MRPL37: variants seen among roughly 807,000 people sequenced by gnomAD.
The protein encoded by MRPL37 is large ribosomal subunit protein mL37.
In MRPL37, 34 loss-of-function variants were observed where a neutral mutation model predicts 44.1. The ratio of observed to expected loss-of-function variants is 0.77; its 90% CI spans 0.59 to 1.03. MRPL37 has a LOEUF of 1.03. MRPL37 is among the 50% of genes least tolerant of loss of function. MRPL37 has a pLI of 0.00. For synonymous variants in MRPL37, 212 were observed against 219.5 expected (o/e 0.97, Z 0.30); for missense variants, 532 against 543.7 (o/e 0.98, Z 0.21).
Position 54,218,161 on chromosome 1 carries a change from G to A in MRPL37, c.1195-11G>A. 1 of 1,611,468 alleles carries A rather than the reference G, an allele frequency of 6.2e-7. No homozygotes were observed. Among genetic ancestry groups the A allele is most frequent in the Non-Finnish European group, 8.5e-7 (1 of 1,177,622 alleles). On this transcript the variant is annotated splice_polypyrimidine_tract_variant and intron_variant, in intron 6 of 6. Transcript: ENST00000360840. Reference sequence around the variant, plus strand: ...TAGTAGCAGGATCCTAATGAACCGTGTTCTTTCCAGGAACCTGTTGGCCCA... The same window carrying A: ...TAGTAGCAGGATCCTAATGAACCGTATTCTTTCCAGGAACCTGTTGGCCCA...
intron 5 of MRPL37, among the ~76,000 whole-genome samples, chr1:54,215,558 A>G (rs1039244317): frequency 1.3e-5 from 2 of 152,126 alleles, no homozygotes; most frequent in Admixed American, 6.5e-5. Flanking sequence ...AAGCCCAGTG[A>G]ATGTGACTGC....
chr1:54,216,443 C>A, intron 6 of MRPL37, 99 bp downstream of exon 6: 1 of 1,391,308 alleles, frequency 7.2e-7, no homozygotes, highest in Non-Finnish European at 9.9e-7. Context: ...GTGAGGAGAG[C>A]CCTGGCCCTG....
At chr1:54,217,695 C>A (rs962803937) in intron 6 of MRPL37, among the ~76,000 whole-genome samples, 3 of 152,150 alleles carry the variant, frequency 2.0e-5, no homozygotes, top group African/African-American at 4.8e-5. Flanking sequence ...CTTCTTTTTC[C>A]TACTTCTGCA....
chr1:54,224,428 C>A (rs746595036), downstream of MRPL37, among the ~76,000 whole-genome samples: 27 of 152,228 alleles, frequency 1.8e-4, no homozygotes, highest in Non-Finnish European at 3.4e-4. Flanking sequence ...GTTCTAAGCA[C>A]TTCACGGTGC....
downstream of MRPL37, chr1:54,225,368 C>T (rs1031821496): frequency 5.3e-5 from 66 of 1,234,108 alleles, no homozygotes; most frequent in Middle Eastern, 4.1e-4. Flanking sequence ...CAAGAAGTCA[C>T]CTTGCATTTT....
At chr1:54,204,549 T>G (rs144352448) in intron 1 of MRPL37, among the ~76,000 whole-genome samples, 109 of 152,340 alleles carry the variant, frequency 7.2e-4, no homozygotes, top group African/African-American at 2.6e-3. Flanking sequence ...GAAGGCAGCA[T>G]GGGCTTATGC....
chr1:54,207,141 TC>T (rs1644129740), intron 3 of MRPL37, among the ~76,000 whole-genome samples: 1 of 152,212 alleles, frequency 6.6e-6, no homozygotes. Flanking sequence ...GGGTATCTTT[TC>T]CTCCTCTGTG....
At position 54,200,446 on chromosome 1, in the gene MRPL37, C is replaced by G. The variant is rs747283178; in HGVS notation, c.203C>G (p.Pro68Arg). Residue 68 changes from proline to arginine, a missense_variant, in exon 1 of 7, where the codon CCC becomes CGC. By Grantham distance (103) the Pro-to-Arg change is moderately radical. Transcript: ENST00000360840. ...ITFAGKMHFV[P>R]WLARPIFPPW... ...TTTGCGGGGAAGATGCACTTCGTGC[C>G]CTGGCTGGCGCGGCCGATCTTTCCG... is the stretch of plus-strand genomic sequence containing the variant. 90 of 1,614,126 alleles carry G rather than the reference C, an allele frequency of 5.6e-5. No individual in the cohort carries two copies. The highest frequency in any genetic ancestry group is 7.5e-5 in the Non-Finnish European group (88 of 1,180,056).
rs1317445147 is a variant in MRPL37 at position 54,218,244 on chromosome 1, G to A, written c.1267G>A (p.Ala423Thr). The change falls in exon 7 of 7, where the codon GCG becomes ACG. Residue 423 changes from alanine (A) to threonine (T), a missense_variant. Coordinates refer to ENST00000360840, the MANE Select transcript of MRPL37 (RefSeq NM_016491.4). The stretch of plus-strand genomic sequence containing the variant: ...TTTAGCTCTATATTTGCATGGTGCT[G>A]CGTGAGCGGAGGACCCCTCTGAATC... ...KFLALYLHGA[A>T] The A allele has an allele frequency of 3.1e-6, 5 of 1,614,182 alleles. No homozygotes were observed. The highest frequency in any genetic ancestry group is 2.2e-5 in the East Asian group (1 of 44,880).
chr1:54,202,375 T>C (rs1038937054), intron 1 of MRPL37, among the ~76,000 whole-genome samples: 1 of 152,116 alleles, frequency 6.6e-6, no homozygotes, highest in Non-Finnish European at 1.5e-5. Context: ...TGAAAAGTCT[T>C]ATTGTACTTA....
chr1:54,224,072 TC>T (rs1644256603), downstream of MRPL37, among the ~76,000 whole-genome samples: 1 of 152,190 alleles, frequency 6.6e-6, no homozygotes, highest in African/African-American at 2.4e-5. Flanking sequence ...GGCACCCTGA[TC>T]CCATGGCTCT....
intron 3 of MRPL37, among the ~76,000 whole-genome samples, chr1:54,208,548 C>A (rs866216004): frequency 1.4e-3 from 102 of 70,918 alleles, no homozygotes; most frequent in South Asian, 3.5e-3. Context: ...GACTCCGTCT[C>A]AAAAAAAAAA....
intron 3 of MRPL37, among the ~76,000 whole-genome samples, chr1:54,207,750 G>A (rs1644134373): frequency 1.3e-5 from 2 of 152,268 alleles, no homozygotes; most frequent in African/African-American, 2.4e-5. Flanking sequence ...AAATACTTTA[G>A]AAAACTATTC....
At chr1:54,205,605 T>C (rs1030771787) in intron 3 of MRPL37, among the ~76,000 whole-genome samples, 195 bp downstream of exon 3, 1 of 152,204 alleles carries the variant, frequency 6.6e-6, no homozygotes, top group Non-Finnish European at 1.5e-5. Context: ...TTAATCACTT[T>C]CTAAGACGTT....
chr1:54,206,916 TG>T, intron 3 of MRPL37, among the ~76,000 whole-genome samples: 1 of 151,806 alleles, frequency 6.6e-6, no homozygotes, highest in Admixed American at 6.6e-5. Flanking sequence ...TGTGTGTGTG[TG>T]TGTGTGTGTA....
At chr1:54,224,232 C>T (rs754879207), downstream of MRPL37, among the ~76,000 whole-genome samples, 1 of 152,212 alleles carries the variant, frequency 6.6e-6, no homozygotes, top group Non-Finnish European at 1.5e-5. Flanking sequence ...AGATGCTTTT[C>T]CAATAGTTCA....
intron 1 of MRPL37, among the ~76,000 whole-genome samples, chr1:54,201,062 ACT>A (rs1314367233): frequency 5.3e-5 from 8 of 152,114 alleles, no homozygotes; most frequent in African/African-American, 1.7e-4. Context: ...CTCCTCTGTC[ACT>A]CTCACTAGGG....
At chr1:54,223,308 G>A (rs1487186696), downstream of MRPL37, among the ~76,000 whole-genome samples, 1 of 152,218 alleles carries the variant, frequency 6.6e-6, no homozygotes, top group African/African-American at 2.4e-5. Context: ...AACCCCAAGA[G>A]GCCCAGCTCC....
rs140904219 is a variant in MRPL37, at chr1:54,212,511, A to C, written c.843A>C (p.Glu281Asp). 83 of 1,614,018 alleles carry C rather than the reference A, an allele frequency of 5.1e-5. No individual in the cohort carries two copies. In the African/African-American group the frequency reaches 9.9e-4, roughly 19 times the overall value. Reference protein sequence around the residue: ...YDVKNDTGFQEGYPYPYPHTL... With the variant: ...YDVKNDTGFQDGYPYPYPHTL... The stretch of plus-strand genomic sequence containing the variant: ...TTGTGTCTCTTGCAGGATTCCAGGA[A>C]GGCTATCCTTACCCCTATCCCCATA... Residue 281 changes from glutamate (E) to aspartate (D), a missense_variant, in exon 5 of 7, where the codon GAA (glutamate) becomes GAC (aspartate). Coordinates refer to ENST00000360840, the MANE Select transcript of MRPL37 (RefSeq NM_016491.4).
Sources: gnomAD v4.1 joint callset for allele counts (sites outside exome capture counted in the v4.1 genomes callset) on GRCh38, gnomAD v4.1.1 for gene constraint, MANE v1.5 for transcripts, NCBI Gene and HGNC (gene_info 2026-07-23, HGNC 2026-07-21) for gene names.